The following GLI2 variants were observed in gnomAD, a reference collection of about 807,000 sequenced individuals.
GLI2 encodes GLI family zinc finger 2.
Under a neutral mutation model 78.9 loss-of-function variants are expected in GLI2, and 22 were observed. The ratio of observed to expected loss-of-function variants is 0.28; its 90% CI spans 0.20 to 0.40. GLI2 has a LOEUF of 0.40. GLI2 is among the 10% of genes least tolerant of loss of function. GLI2 has a pLI of 1.00. For missense variants in GLI2, 2,097 were observed against 2,213.2 expected, an observed-to-expected ratio of 0.95 and a Z score of 1.05; for synonymous variants, 974 against 963.7, an observed-to-expected ratio of 1.01 and a Z score of -0.20.
intron 1 of GLI2, among the ~76,000 whole-genome samples, chr2:120,781,741 A>T (rs935657469): frequency 3.9e-5 from 6 of 151,998 alleles, no homozygotes; most frequent in Non-Finnish European, 5.9e-5. Context: ...AAATTAGCTG[A>T]GTGTGGTGGT....
At chr2:120,888,488 C>T (rs1677522745) in intron 2 of GLI2, among the ~76,000 whole-genome samples, 1 of 152,164 alleles carries the variant, frequency 6.6e-6, no homozygotes, top group African/African-American at 2.4e-5. Flanking sequence ...TTCTTCTCTT[C>T]AGACAGGAGA....
chr2:120,948,832 G>C (rs534820691), intron 3 of GLI2, among the ~76,000 whole-genome samples: 1 of 152,320 alleles, frequency 6.6e-6, no homozygotes, highest in African/African-American at 2.4e-5. Context: ...ACAGGCTACT[G>C]TGACCTCAAA....
Position 120,753,069 on chromosome 2 carries a change from T to G in GLI2, c.-31+16784T>G, listed in dbSNP as rs1042194861. ...GGTGTAAAACTTCGGGGTATAAGGG[T>G]GGGTGTTTTTTTTTTCTGTACGTAT... On this transcript the variant is annotated intron_variant, in intron 1 of 13. Transcript: ENST00000361492. Among the ~76,000 whole-genome samples, 11 of 149,062 alleles carry G rather than the reference T, an allele frequency of 7.4e-5. No individual in the cohort carries two copies. The South Asian group carries it at 2.3e-3, about 32-fold the overall frequency.
At chr2:120,880,485 A>C (rs1195253180) in intron 2 of GLI2, among the ~76,000 whole-genome samples, 1 of 152,080 alleles carries the variant, frequency 6.6e-6, no homozygotes, top group Non-Finnish European at 1.5e-5. Context: ...CCTCGCAGAC[A>C]AGGGCTCTCT....
intron 2 of GLI2, among the ~76,000 whole-genome samples, chr2:120,854,973 G>A (rs370158128): frequency 1.3e-5 from 2 of 152,246 alleles, no homozygotes; most frequent in Non-Finnish European, 2.9e-5. Context: ...GGACCCCTTC[G>A]TGGGCTGGCA....
intron 2 of GLI2, among the ~76,000 whole-genome samples, chr2:120,864,414 G>A (rs953512281): frequency 1.6e-4 from 24 of 152,188 alleles, no homozygotes; most frequent in African/African-American, 5.8e-4. Flanking sequence ...GTGTCTCGAT[G>A]GCTGAAGGTA....
chr2:120,780,720 G>C (rs1683821384), intron 1 of GLI2, among the ~76,000 whole-genome samples: 2 of 152,248 alleles, frequency 1.3e-5, no homozygotes, highest in African/African-American at 4.8e-5. Flanking sequence ...CAGCTGGTAA[G>C]TGGCAGAGCC....
At chr2:120,900,307 AG>A (rs1279278225) in intron 2 of GLI2, among the ~76,000 whole-genome samples, 2 of 152,220 alleles carry the variant, frequency 1.3e-5, no homozygotes, top group African/African-American at 4.8e-5. Context: ...GAATCAGCCC[AG>A]GATCCTGCTA....
At chr2:120,893,739 A>G (rs1450450391) in intron 2 of GLI2, among the ~76,000 whole-genome samples, 1 of 152,016 alleles carries the variant, frequency 6.6e-6, no homozygotes, top group African/African-American at 2.4e-5. Context: ...AACTTTTAGC[A>G]AACTAATGTG....
chr2:120,955,234 T>G lies in GLI2; in HGVS notation c.458-11T>G. 1 of 1,325,942 alleles carries G rather than the reference T, an allele frequency of 7.5e-7. No individual in the cohort carries two copies. Among genetic ancestry groups the G allele is most frequent in the Non-Finnish European group, 1.0e-6 (1 of 991,172 alleles). The allele number at this position is 1,325,942 out of a possible 1,614,324, so 82.1% of individuals were successfully genotyped here. A position where few individuals can be genotyped will look rare whatever the true frequency, so the allele number is the denominator to read the frequency against. The stretch of plus-strand genomic sequence containing the variant: ...GTTCTGACGGCTTCTTTCTCTCCCC[T>G]CTGCCCACAGTGGCCCAGGAGCACC... On this transcript the variant is annotated splice_polypyrimidine_tract_variant and intron_variant, in intron 4 of 13. Coordinates refer to ENST00000361492, the MANE Select transcript of GLI2 (RefSeq NM_001374353.1).
chr2:120,974,969 T>C lies in GLI2; in HGVS notation c.1183-6T>C. On this transcript the variant is annotated splice_polypyrimidine_tract_variant and splice_region_variant and intron_variant, in intron 8 of 13. Coordinates refer to ENST00000361492, the MANE Select transcript of GLI2 (RefSeq NM_001374353.1). ...CTCATGTGGGTGTGCCCTTCCCCTC[T>C]CCCAGGAGCAGCTGGCTGACCTCAA... 1.2e-6 allele frequency: 2 copies of C among 1,614,220 alleles called. No homozygotes were observed. The highest frequency in any genetic ancestry group is 1.7e-6 in the Non-Finnish European group (2 of 1,180,046).
intron 2 of GLI2, among the ~76,000 whole-genome samples, chr2:120,885,628 A>G (rs1286933010): frequency 1.3e-5 from 2 of 152,216 alleles, no homozygotes; most frequent in Non-Finnish European, 2.9e-5. Context: ...TCGGACACAC[A>G]GGGCCCTTGA....
At chr2:120,970,978 C>T (rs1317549866) in intron 7 of GLI2, among the ~76,000 whole-genome samples, 3 of 152,256 alleles carry the variant, frequency 2.0e-5, no homozygotes, top group Non-Finnish European at 4.4e-5. Flanking sequence ...GGCTTTCACA[C>T]ACTGCCTCAT....
intron 2 of GLI2, among the ~76,000 whole-genome samples, chr2:120,891,427 G>A (rs1211438363): frequency 6.6e-6 from 1 of 152,166 alleles, no homozygotes; most frequent in East Asian, 1.9e-4. Context: ...GGCAAAAAGG[G>A]ACCCTACCTT....
At chr2:120,895,659 C>T (rs1272703079) in intron 2 of GLI2, among the ~76,000 whole-genome samples, 1 of 152,144 alleles carries the variant, frequency 6.6e-6, no homozygotes, top group Non-Finnish European at 1.5e-5. Context: ...ACTGAGATTG[C>T]ACCACTGCAC....
At position 120,978,590 on chromosome 2, in the gene GLI2, G is replaced by GGCCT. The variant is rs1311339142; in HGVS notation, c.1467+8_1467+11dup. On this transcript the variant is annotated splice_region_variant and intron_variant, in intron 10 of 13. Transcript: ENST00000361492. ...GAAGCCCCACAAGTGCACGGTGAGT[G>GGCCT]GCCTTCTCCCCACCCCCGCCGCAGC... is the stretch of plus-strand genomic sequence containing the variant. The GGCCT allele has an allele frequency of 6.2e-7, 1 of 1,612,842 alleles. No individual in the cohort carries two copies. Among genetic ancestry groups the GGCCT allele is most frequent in the Non-Finnish European group, 8.5e-7 (1 of 1,179,542 alleles).
chr2:120,831,753 T>G (rs1303372295), intron 2 of GLI2, among the ~76,000 whole-genome samples: 1 of 152,202 alleles, frequency 6.6e-6, no homozygotes, highest in Non-Finnish European at 1.5e-5. Context: ...AATCCAGCTC[T>G]GATTCTTACC....
In GLI2 at chr2:120,988,746, G is replaced by C; in HGVS notation, c.2781G>C (p.Pro927=). 1 of 1,217,298 alleles carries C rather than the reference G, an allele frequency of 8.2e-7. No individual in the cohort carries two copies. Among genetic ancestry groups the C allele is most frequent in the Non-Finnish European group, 1.0e-6 (1 of 976,386 alleles). The allele number at this position is 1,217,298 out of a possible 1,614,324, so 75.4% of individuals were successfully genotyped here. The change falls in exon 14 of 14, where the codon CCG becomes CCC. Residue 927 remains proline (P), a synonymous_variant. Transcript: ENST00000361492. The part of the protein sequence containing the change: ...PLGPRRGSDG[P]TYGHGHAGAA... ...GGCCGCGGCGTGGCAGCGACGGGCCGACCTATGGCCACGGCCACGCGGGGG... is the reference window on the plus strand; with the variant it reads ...GGCCGCGGCGTGGCAGCGACGGGCCCACCTATGGCCACGGCCACGCGGGGG...
rs35017068 is a variant in GLI2, at chr2:120,789,033, C to CTT, written c.-30-8242_-30-8241dup. Among the ~76,000 whole-genome samples the CTT allele has an allele frequency of 2.6e-3, 335 of 126,610 alleles. 3 individuals carry two copies. Among genetic ancestry groups the CTT allele is most frequent in the African/African-American group, 7.0e-3 (222 of 31,738 alleles). 83.1% of individuals were successfully genotyped at this position (126,610 alleles called of 152,430 possible). ...TGGCTTATCACTTATTTCTTTCTTTCTTTTTTTTTTTTTTTTTGAGACGGA... is the reference window on the plus strand; with the variant it reads ...TGGCTTATCACTTATTTCTTTCTTTCTTTTTTTTTTTTTTTTTTTGAGACGGA... On this transcript the variant is annotated intron_variant, in intron 1 of 13. Transcript: ENST00000361492.
Sources: gnomAD v4.1 joint callset for allele counts (sites outside exome capture counted in the v4.1 genomes callset) on GRCh38, gnomAD v4.1.1 for gene constraint, MANE v1.5 for transcripts, NCBI Gene and HGNC (gene_info 2026-07-23, HGNC 2026-07-21) for gene names.